CTNNA3: variants seen among roughly 807,000 people sequenced by gnomAD.
The protein encoded by CTNNA3 is catenin alpha 3.
In CTNNA3, 76 loss-of-function variants were observed where a neutral mutation model predicts 95.7. The ratio of observed to expected loss-of-function variants is 0.79; its 90% confidence interval spans 0.66 to 0.96. CTNNA3 has a LOEUF of 0.96. CTNNA3 is among the 40% of genes least tolerant of loss of function. The pLI is 0.00. For synonymous variants in CTNNA3, 431 were observed against 374.4 expected, an observed-to-expected ratio of 1.15 and a Z score of -1.74; for missense variants, 1,191 against 1,089.8, an observed-to-expected ratio of 1.09 and a Z score of -1.31.
chr10:66,037,534 T>A (rs2079591727), intron 15 of CTNNA3, among the ~76,000 whole-genome samples: 1 of 152,212 alleles, frequency 6.6e-6, no homozygotes, highest in Non-Finnish European at 1.5e-5. Flanking sequence ...AACCATAAAA[T>A]TTAAATCTAA....
intron 1 of CTNNA3, among the ~76,000 whole-genome samples, chr10:67,757,605 C>T (rs370554986): frequency 2.8e-4 from 43 of 152,282 alleles, no homozygotes; most frequent in Non-Finnish European, 5.0e-4. Flanking sequence ...TTCCTGCCCT[C>T]GAACATCAGA....
At chr10:66,305,994 TA>T (rs766737705) in intron 12 of CTNNA3, among the ~76,000 whole-genome samples, 4 of 152,182 alleles carry the variant, frequency 2.6e-5, no homozygotes, top group Non-Finnish European at 5.9e-5. Context: ...CTGACCCAAC[TA>T]AATGTATTTT....
intron 7 of CTNNA3, among the ~76,000 whole-genome samples, chr10:67,102,347 A>AACACACACAC (rs113804283): frequency 6.6e-6 from 1 of 150,996 alleles, no homozygotes; most frequent in African/African-American, 2.4e-5. Context: ...AAACCAAGCA[A>AACACACACAC]ACACACACAC....
chr10:66,574,374 C>T (rs1842947657), intron 10 of CTNNA3, among the ~76,000 whole-genome samples: 1 of 151,822 alleles, frequency 6.6e-6, no homozygotes, highest in Non-Finnish European at 1.5e-5. Context: ...AAGGTTCTAC[C>T]ATGTTTTTGT....
At chr10:66,690,369 C>T (rs999596366) in intron 9 of CTNNA3, among the ~76,000 whole-genome samples, 1 of 151,614 alleles carries the variant, frequency 6.6e-6, no homozygotes, top group Non-Finnish European at 1.5e-5. Context: ...TAAATGTGCA[C>T]AATATGCAGG....
At chr10:66,795,523 A>G (rs1361899648) in intron 7 of CTNNA3, among the ~76,000 whole-genome samples, 1 of 152,138 alleles carries the variant, frequency 6.6e-6, no homozygotes, top group African/African-American at 2.4e-5. Flanking sequence ...ATACAGGCAG[A>G]GTAGGCTTAG....
chr10:66,449,085 TA>T (rs1044609728), intron 11 of CTNNA3, among the ~76,000 whole-genome samples: 1 of 151,696 alleles, frequency 6.6e-6, no homozygotes, highest in African/African-American at 2.4e-5. Flanking sequence ...AGTAATTATA[TA>T]AAAAAAGCAA....
intron 5 of CTNNA3, among the ~76,000 whole-genome samples, chr10:67,387,596 C>A (rs1049374845): frequency 8.5e-5 from 13 of 152,324 alleles, no homozygotes; most frequent in Admixed American, 1.3e-4. Context: ...TAGGCTCCAC[C>A]TCTGGGGGCA....
intron 3 of CTNNA3, among the ~76,000 whole-genome samples, chr10:67,572,986 G>C (rs1589440788): frequency 1.3e-5 from 2 of 152,202 alleles, no homozygotes; most frequent in Admixed American, 6.5e-5. Context: ...CTACTCAGGA[G>C]GCTGAGGTGG....
intron 7 of CTNNA3, among the ~76,000 whole-genome samples, chr10:66,961,259 TTC>T (rs749782190): frequency 2.6e-4 from 40 of 152,150 alleles, no homozygotes; most frequent in Non-Finnish European, 8.8e-5. Context: ...GTTCATCTCA[TTC>T]TCTCTCTTAC....
At chr10:66,006,258 C>T (rs1350955901) in intron 15 of CTNNA3, among the ~76,000 whole-genome samples, 1 of 151,960 alleles carries the variant, frequency 6.6e-6, no homozygotes, top group Non-Finnish European at 1.5e-5. Flanking sequence ...CGTGATCCGC[C>T]CGCCTCGGCC....
intron 1 of CTNNA3, among the ~76,000 whole-genome samples, chr10:67,730,513 G>A (rs996787340): frequency 6.6e-6 from 1 of 152,106 alleles, no homozygotes; most frequent in Non-Finnish European, 1.5e-5. Flanking sequence ...AACTAAGAAA[G>A]TAAACCATGA....
At chr10:67,131,451 A>G (rs1264382969) in intron 7 of CTNNA3, among the ~76,000 whole-genome samples, 1 of 152,040 alleles carries the variant, frequency 6.6e-6, no homozygotes, top group East Asian at 1.9e-4. Flanking sequence ...CTATTGTGTT[A>G]TTATTATTAT....
At chr10:66,543,370 G>A (rs1044311000) in intron 10 of CTNNA3, among the ~76,000 whole-genome samples, 4 of 152,172 alleles carry the variant, frequency 2.6e-5, no homozygotes, top group South Asian at 2.1e-4. Context: ...GATTACAGGC[G>A]TGAGCTACTG....
chr10:66,968,574 G>A (rs1248145213), intron 7 of CTNNA3, among the ~76,000 whole-genome samples: 2 of 151,954 alleles, frequency 1.3e-5, no homozygotes, highest in Non-Finnish European at 2.9e-5. Context: ...AAACAAAAAG[G>A]TTGTCTCCTC....
chr10:66,872,347 T>C (rs1844442312), intron 7 of CTNNA3, among the ~76,000 whole-genome samples: 1 of 152,202 alleles, frequency 6.6e-6, no homozygotes, highest in African/African-American at 2.4e-5. Context: ...GAGATTTTTC[T>C]GATTCTAGAG....
At chr10:66,778,370 A>G (rs910520452) in intron 7 of CTNNA3, among the ~76,000 whole-genome samples, 1 of 152,148 alleles carries the variant, frequency 6.6e-6, no homozygotes, top group East Asian at 1.9e-4. Context: ...TTAACAAATC[A>G]TCAATGAGCT....
At chr10:65,948,078 T>C (rs201675697) in intron 17 of CTNNA3, among the ~76,000 whole-genome samples, 102 of 152,008 alleles carry the variant, frequency 6.7e-4, no homozygotes, top group Admixed American at 8.5e-4. Context: ...GAGATCGAGA[T>C]CATCCTGGCT....
intron 4 of CTNNA3, among the ~76,000 whole-genome samples, chr10:67,526,862 T>C (rs1840160740): frequency 1.3e-5 from 2 of 152,216 alleles, no homozygotes; most frequent in African/African-American, 4.8e-5. Context: ...AATAATTGTT[T>C]ATAGAGCAGC....
Sources: allele counts gnomAD v4.1 joint callset (sites outside exome capture counted in the v4.1 genomes callset), GRCh38; gene constraint gnomAD v4.1.1; transcripts MANE v1.5; gene names NCBI Gene and HGNC (gene_info 2026-07-23, HGNC 2026-07-21).